RSRC1: variants seen among roughly 807,000 people sequenced by gnomAD.
The protein encoded by RSRC1 is serine/Arginine-related protein 53.
A neutral mutation model predicts 49.1 loss-of-function variants in RSRC1; 39 were observed. The observed-to-expected ratio is 0.79, with a 90% CI of 0.61 to 1.04. The LOEUF is 1.04. Among genes scored for constraint, RSRC1 ranks in the 50% least tolerant of loss-of-function variants. The probability of loss-of-function intolerance (pLI) is 0.00; values close to 1 mark genes in which losing one functional copy is unlikely to be tolerated. For synonymous variants in RSRC1, 143 were observed against 130.8 expected (o/e 1.09, Z -0.63); for missense variants, 388 against 402.4 (o/e 0.96, Z 0.31).
At chr3:158,174,522 CATT>C (rs1719081478) in intron 3 of RSRC1, among the ~76,000 whole-genome samples, 1 of 151,926 alleles carries the variant, frequency 6.6e-6, no homozygotes, top group African/African-American at 2.4e-5. Context: ...CCCTCACAAT[CATT>C]ATTATTTCCC....
intron 3 of RSRC1, among the ~76,000 whole-genome samples, chr3:158,125,017 C>A (rs1020762138): frequency 2.0e-5 from 3 of 151,906 alleles, no homozygotes; most frequent in Non-Finnish European, 4.4e-5. Context: ...ATCAGTCTTA[C>A]CATATTGCCC....
At chr3:158,302,530 G>A (rs1350623125) in intron 5 of RSRC1, among the ~76,000 whole-genome samples, 3 of 149,886 alleles carry the variant, frequency 2.0e-5, no homozygotes, top group Admixed American at 6.7e-5. Flanking sequence ...AAGGAGTGGA[G>A]GTGGGTGGTT....
intron 4 of RSRC1, among the ~76,000 whole-genome samples, chr3:158,231,420 G>A (rs994757196): frequency 1.3e-5 from 2 of 151,996 alleles, no homozygotes; most frequent in Non-Finnish European, 2.9e-5. Context: ...ACAGGTGTGA[G>A]CTACCATGCC....
intron 7 of RSRC1, among the ~76,000 whole-genome samples, chr3:158,509,209 A>G (rs1250072193): frequency 2.0e-5 from 3 of 152,146 alleles, no homozygotes; most frequent in Admixed American, 1.3e-4. Flanking sequence ...TTATTTTTGC[A>G]TGTGGATTAT....
chr3:158,509,234 A>G (rs1000436563), intron 7 of RSRC1, among the ~76,000 whole-genome samples: 5 of 152,148 alleles, frequency 3.3e-5, no homozygotes, highest in Admixed American at 6.5e-5. Flanking sequence ...GTAGTCTTAG[A>G]CCCACTTGTT....
chr3:158,197,078 A>G (rs1274623464), intron 3 of RSRC1, among the ~76,000 whole-genome samples: 4 of 152,166 alleles, frequency 2.6e-5, no homozygotes, highest in African/African-American at 9.7e-5. Context: ...AAGGAATGGT[A>G]TCAGCTCCTC....
chr3:158,250,053 G>C (rs1416600183), intron 4 of RSRC1, among the ~76,000 whole-genome samples: 1 of 152,128 alleles, frequency 6.6e-6, no homozygotes, highest in Non-Finnish European at 1.5e-5. Context: ...ACAAATAAGT[G>C]AGAACATGTG....
At chr3:158,502,406 A>G (rs1739648608) in intron 7 of RSRC1, among the ~76,000 whole-genome samples, 1 of 152,166 alleles carries the variant, frequency 6.6e-6, no homozygotes, top group African/African-American at 2.4e-5. Context: ...TTGCATGTCT[A>G]GTTCTCTAGC....
At chr3:158,142,063 A>C (rs1345337608) in intron 3 of RSRC1, among the ~76,000 whole-genome samples, 1 of 152,170 alleles carries the variant, frequency 6.6e-6, no homozygotes. Context: ...GTGCCACTGC[A>C]CTCCAGCCTG....
chr3:158,162,640 A>G (rs1718299548), intron 3 of RSRC1, among the ~76,000 whole-genome samples: 1 of 152,216 alleles, frequency 6.6e-6, no homozygotes. Flanking sequence ...TAGCTCATTT[A>G]TATGGATAAG....
chr3:158,368,462 C>T (rs1161361860), intron 6 of RSRC1, among the ~76,000 whole-genome samples: 7 of 152,200 alleles, frequency 4.6e-5, no homozygotes, highest in African/African-American at 1.2e-4. Context: ...CTACCAGGAC[C>T]ATGCTTTGTC....
chr3:158,197,287 A>G (rs1377056596), intron 3 of RSRC1, among the ~76,000 whole-genome samples: 2 of 152,100 alleles, frequency 1.3e-5, no homozygotes, highest in Non-Finnish European at 2.9e-5. Flanking sequence ...GTTTATTTGC[A>G]TAGAGGTGTT....
At chr3:158,421,998 T>G (rs1243498062) in intron 6 of RSRC1, among the ~76,000 whole-genome samples, 1 of 151,890 alleles carries the variant, frequency 6.6e-6, no homozygotes. Context: ...GATACATATG[T>G]TTGGTTTTCA....
At chr3:158,325,008 C>T (rs559696348) in intron 5 of RSRC1, among the ~76,000 whole-genome samples, 19 of 152,300 alleles carry the variant, frequency 1.2e-4, no homozygotes, top group East Asian at 7.7e-4. Context: ...TTTCATGTGT[C>T]TGTTGGCTGC....
chr3:158,317,246 T>A (rs1381250363), intron 5 of RSRC1, among the ~76,000 whole-genome samples: 1 of 152,194 alleles, frequency 6.6e-6, no homozygotes, highest in Non-Finnish European at 1.5e-5. Context: ...TTTTTTATTT[T>A]GAGACAGGGT....
chr3:158,162,536 ACT>A (rs1718293648), intron 3 of RSRC1, among the ~76,000 whole-genome samples: 2 of 152,108 alleles, frequency 1.3e-5, no homozygotes, highest in South Asian at 4.1e-4. Flanking sequence ...AGGGGTGTTA[ACT>A]CTGTAAATTC....
At chr3:158,272,895 A>G (rs1478459789) in intron 4 of RSRC1, among the ~76,000 whole-genome samples, 5 of 151,896 alleles carry the variant, frequency 3.3e-5, no homozygotes, top group African/African-American at 1.2e-4. Context: ...TCCTCATCCA[A>G]CTGTTATAAA....
At chr3:158,158,284 AAC>A (rs1248812697) in intron 3 of RSRC1, among the ~76,000 whole-genome samples, 8 of 152,148 alleles carry the variant, frequency 5.3e-5, no homozygotes, top group Admixed American at 5.2e-4. Context: ...ATGGATGGAA[AAC>A]ACAGTATATG....
intron 4 of RSRC1, among the ~76,000 whole-genome samples, chr3:158,274,588 A>G (rs184137561): frequency 1.5e-3 from 236 of 152,302 alleles, no homozygotes; most frequent in Non-Finnish European, 2.6e-3. Flanking sequence ...CAGAGAAGCA[A>G]GCATTTAAAT....
Sources: gnomAD v4.1 joint callset for allele counts (sites outside exome capture counted in the v4.1 genomes callset) on GRCh38, gnomAD v4.1.1 for gene constraint, MANE v1.5 for transcripts, NCBI Gene and HGNC (gene_info 2026-07-23, HGNC 2026-07-21) for gene names.